Variants in OTUD4 observed in about 807,000 individuals in gnomAD.
The protein encoded by OTUD4 is OTU domain-containing protein 4.
Under a neutral mutation model 130.4 loss-of-function variants are expected in OTUD4, and 24 were observed. The observed-to-expected ratio is 0.18, with a 90% CI of 0.13 to 0.26. The LOEUF (loss-of-function observed/expected upper bound fraction) is 0.26. OTUD4 is among the 10% of genes least tolerant of loss of function. OTUD4 has a pLI of 1.00. For synonymous variants in OTUD4, 420 were observed against 472.5 expected, an observed-to-expected ratio of 0.89 and a Z score of 1.44; for missense variants, 1,031 against 1,329.4, an observed-to-expected ratio of 0.78 and a Z score of 3.49.
chr4:145,173,994 C>T (rs1311293085), intron 2 of OTUD4, among the ~76,000 whole-genome samples: 1 of 151,052 alleles, frequency 6.6e-6, no homozygotes, highest in Non-Finnish European at 1.5e-5. Context: ...ATTTTTTACA[C>T]TGCAAGTCTG....
chr4:145,160,578 C>G (rs937906086), intron 6 of OTUD4, among the ~76,000 whole-genome samples: 2 of 152,118 alleles, frequency 1.3e-5, no homozygotes, highest in African/African-American at 4.8e-5. Context: ...TTTGGGAGAC[C>G]AAGGCGGGCA....
intron 1 of OTUD4, among the ~76,000 whole-genome samples, chr4:145,177,681 G>A (rs1447078225): frequency 6.6e-6 from 1 of 152,148 alleles, no homozygotes; most frequent in African/African-American, 2.4e-5. Flanking sequence ...GCTGATTCAG[G>A]TCAGGCCTCC....
Position 145,150,863 on chromosome 4 carries a change from C to T in OTUD4, c.1011G>A (p.Trp337Ter). 1 of 1,613,858 alleles carries T rather than the reference C, an allele frequency of 6.2e-7. No individual in the cohort carries two copies. The highest frequency in any genetic ancestry group is 8.5e-7 in the Non-Finnish European group (1 of 1,179,908). ...KNLKAPPPES[W>*]NTVSGKKMKK... is the part of the protein sequence containing the mutation. ...TCATCTTCTTCCCTGACACTGTGTT[C>T]CAGCTTTCTGGGGGAGGTGCCTTGA... Residue 337 changes from tryptophan (W) to a stop codon, truncating the protein, a stop_gained, in exon 12 of 21, where the codon TGG becomes TGA. Coordinates refer to ENST00000447906, the MANE Select transcript of OTUD4 (RefSeq NM_001366057.1). LOFTEE classifies it high-confidence loss of function.
Position 145,138,520 on chromosome 4 carries a change from G to A in OTUD4, c.2255C>T (p.Ala752Val). 2 of 1,614,164 alleles carry A rather than the reference G, an allele frequency of 1.2e-6. No individual in the cohort carries two copies. The highest frequency in any genetic ancestry group is 1.7e-6 in the Non-Finnish European group (2 of 1,180,032). Residue 752 changes from alanine to valine, a missense_variant, in exon 21 of 21, where the codon GCT (alanine) becomes GTT (valine). This residue lies in a region of OTUD4 where 900 missense variants were observed against 1,095.9 expected (regional missense o/e 0.82). Transcript: ENST00000447906. ...VYPHNPWFQEAPAAQNESDCT... is the reference protein window; with the variant it reads ...VYPHNPWFQEVPAAQNESDCT... Reference sequence around the variant, plus strand: ...ATCACTTTCATTCTGAGCAGCAGGAGCCTCTTGGAACCAGGGATTATGAGG... The same window carrying A: ...ATCACTTTCATTCTGAGCAGCAGGAACCTCTTGGAACCAGGGATTATGAGG...
At chr4:145,165,621 G>A (rs1751819355) in intron 3 of OTUD4, among the ~76,000 whole-genome samples, 1 of 152,078 alleles carries the variant, frequency 6.6e-6, no homozygotes, top group Non-Finnish European at 1.5e-5. Flanking sequence ...GGGATTACAG[G>A]CATGTGCCAC....
At chr4:145,168,413 TAAAAAAAA>T (rs11432018) in intron 3 of OTUD4, among the ~76,000 whole-genome samples, 1 of 122,874 alleles carries the variant, frequency 8.1e-6, no homozygotes, top group Non-Finnish European at 1.7e-5. Context: ...AATAAAAAAT[TAAAAAAAA>T]AAAAAAAGAA....
intron 7 of OTUD4, among the ~76,000 whole-genome samples, chr4:145,158,375 G>C (rs1751393685): frequency 6.6e-6 from 1 of 152,002 alleles, no homozygotes; most frequent in Non-Finnish European, 1.5e-5. Context: ...CCAGCTACTT[G>C]GGAGGCTGAG....
At chr4:145,138,910 A>G (rs897900403) in intron 20 of OTUD4, among the ~76,000 whole-genome samples, 3 of 152,212 alleles carry the variant, frequency 2.0e-5, no homozygotes, top group Non-Finnish European at 2.9e-5. Flanking sequence ...TAGTATCTCC[A>G]TCACTGACTG....
intron 2 of OTUD4, among the ~76,000 whole-genome samples, chr4:145,173,688 C>A (rs1262672048): frequency 1.3e-5 from 2 of 152,132 alleles, no homozygotes; most frequent in Non-Finnish European, 2.9e-5. Flanking sequence ...TACCAGTCAA[C>A]TGGGGGAAAT....
intron 18 of OTUD4, 39 bp from the exon 19 acceptor site, chr4:145,141,678 T>G: frequency 1.3e-6 from 2 of 1,495,364 alleles, no homozygotes; most frequent in Non-Finnish European, 1.8e-6. Context: ...TGACAAAAGA[T>G]GAAAATCTCT....
chr4:145,138,338 C>A lies in OTUD4; in HGVS notation c.2437G>T (p.Asp813Tyr), dbSNP rs778808406. Residue 813 changes from aspartate to tyrosine, a missense_variant, in exon 21 of 21, where the codon GAT (aspartate) becomes TAT (tyrosine). Physicochemically the swap from Asp to Tyr is radical, Grantham distance 160. This residue lies in a region of OTUD4 where 900 missense variants were observed against 1,095.9 expected (regional missense o/e 0.82). Coordinates refer to ENST00000447906, the MANE Select transcript of OTUD4 (RefSeq NM_001366057.1). ...TGCCCAGGGGTCTCAGATTCAAGAT[C>A]AGCCTGGTAAGACAATTGTCCATGA... ...ESHGQLSYQA[D>Y]LESETPGQLL... The A allele has an allele frequency of 6.2e-7, 1 of 1,614,142 alleles. No individual in the cohort carries two copies. Among genetic ancestry groups the A allele is most frequent in the Non-Finnish European group, 8.5e-7 (1 of 1,180,008 alleles).
rs560308772 is a variant in OTUD4 at position 145,135,157 on chromosome 4, C to T, written c.*2273G>A. The T allele has an allele frequency of 2.3e-4, 62 of 267,812 alleles. No individual in the cohort carries two copies. The highest frequency in any genetic ancestry group is 1.2e-3 in the African/African-American group (57 of 45,844). 16.6% of individuals were successfully genotyped at this position (267,812 alleles called of 1,614,324 possible). A position where few individuals can be genotyped will look rare whatever the true frequency, so the allele number is the denominator to read the frequency against. On this transcript the variant is annotated 3_prime_UTR_variant, in exon 21 of 21. Coordinates refer to ENST00000447906, the MANE Select transcript of OTUD4 (RefSeq NM_001366057.1). ...CTATCAAAAGTCAGTTCTTTTATTC[C>T]AGAGGTCACTGAGAAAAGTACCATC...
intron 14 of OTUD4, among the ~76,000 whole-genome samples, chr4:145,144,791 C>T (rs965328643): frequency 1.3e-5 from 2 of 152,076 alleles, no homozygotes; most frequent in African/African-American, 2.4e-5. Flanking sequence ...ATCATTGTAG[C>T]GCCATATTTT....
Position 145,150,578 on chromosome 4 carries a change from C to G in OTUD4, c.1194G>C (p.Gly398=). 1 of 1,612,924 alleles carries G rather than the reference C, an allele frequency of 6.2e-7. No homozygotes were observed. Among genetic ancestry groups the G allele is most frequent in the Non-Finnish European group, 8.5e-7 (1 of 1,179,028 alleles). Residue 398 remains glycine (G), a synonymous_variant, in exon 13 of 21, where the codon GGG becomes GGC. Transcript: ENST00000447906. ...RQHAFSSHSS[G]SQSQKFSSEH... Reference sequence around the variant, plus strand: ...CACTGGAGAATTTCTGAGACTGTGACCCTGAAGAATGACTAGAGAACGCAT... The same window carrying G: ...CACTGGAGAATTTCTGAGACTGTGAGCCTGAAGAATGACTAGAGAACGCAT...
chr4:145,176,680 CAG>C (rs1253363744), intron 1 of OTUD4, among the ~76,000 whole-genome samples: 1 of 151,882 alleles, frequency 6.6e-6, no homozygotes, highest in Non-Finnish European at 1.5e-5. Context: ...GCCTGAGTGA[CAG>C]AGTAAGACTC....
chr4:145,152,363 G>A (rs555777003), intron 11 of OTUD4, among the ~76,000 whole-genome samples, 178 bp downstream of exon 11: 23 of 152,160 alleles, frequency 1.5e-4, no homozygotes, highest in East Asian at 9.7e-4. Context: ...CACCCATCTC[G>A]GCCTCCCAAA....
chr4:145,136,426 G>A lies in OTUD4; in HGVS notation c.*1004C>T, dbSNP rs1288814161. 1.6e-5 allele frequency: 2 copies of A among 127,100 alleles called. No homozygotes were observed. The highest frequency in any genetic ancestry group is 3.2e-5 in the Non-Finnish European group (2 of 63,432). 7.9% of individuals were successfully genotyped at this position (127,100 alleles called of 1,614,324 possible). ...GTTCCAGCCCTGACAAGTAGAACAT[G>A]CAAGTGTAAAGTGAAAGTGATACAC... On this transcript the variant is annotated 3_prime_UTR_variant, in exon 21 of 21. Coordinates refer to ENST00000447906, the MANE Select transcript of OTUD4 (RefSeq NM_001366057.1).
At chr4:145,169,764 G>A (rs1038685404) in intron 3 of OTUD4, among the ~76,000 whole-genome samples, 1 of 152,154 alleles carries the variant, frequency 6.6e-6, no homozygotes, top group Non-Finnish European at 1.5e-5. Context: ...GAGCCATTGT[G>A]CCCAGCCCAG....
At chr4:145,164,319 C>T (rs1379680760) in intron 4 of OTUD4, 93 bp from the exon 5 acceptor site, 1 of 603,740 alleles carries the variant, frequency 1.7e-6, no homozygotes, top group Non-Finnish European at 3.0e-6. Flanking sequence ...CTAATACGTG[C>T]CAGGCACTGT....
Sources: gnomAD v4.1 joint callset for allele counts (sites outside exome capture counted in the v4.1 genomes callset) on GRCh38, gnomAD v4.1.1 for gene constraint, gnomAD v4.1.1 regional missense constraint, MANE v1.5 for transcripts, NCBI Gene and HGNC (gene_info 2026-07-23, HGNC 2026-07-21) for gene names.